SDHAF2: variants seen among roughly 807,000 people sequenced by gnomAD.
SDHAF2 encodes the protein succinate dehydrogenase complex assembly factor 2.
In SDHAF2, 21 loss-of-function variants were observed where a neutral mutation model predicts 18.5. That is an observed-to-expected ratio of 1.13 (90% CI 0.80 to 1.63). The LOEUF (loss-of-function observed/expected upper bound fraction) is 1.63, where lower values mean the gene tolerates loss of function less well. SDHAF2 is among the 40% of genes most tolerant of loss of function. The pLI is 0.00. For synonymous variants in SDHAF2, 84 were observed against 70.7 expected (o/e 1.19, Z -0.94); for missense variants, 195 against 200.3 (o/e 0.97, Z 0.16).
chr11:61,439,231 C>CA (rs980658552), intron 3 of SDHAF2, among the ~76,000 whole-genome samples: 1 of 152,134 alleles, frequency 6.6e-6, no homozygotes, highest in African/African-American at 2.4e-5. Flanking sequence ...AGAGGGGCTT[C>CA]AAAAAGTCAT....
chr11:61,437,803 A>T lies in SDHAF2; in HGVS notation c.215A>T (p.Tyr72Phe). 1.2e-6 allele frequency: 2 copies of T among 1,614,078 alleles called. No individual in the cohort carries two copies. The highest frequency in any genetic ancestry group is 1.7e-6 in the Non-Finnish European group (2 of 1,179,990). The part of the protein sequence containing the change: ...SIETKRARLL[Y>F]ESRKRGMLEN... ...GAAACCAAAAGAGCCCGCCTGCTCT[A>T]TGAGAGCAGAAAGAGGGGAATGTTG... Residue 72 changes from tyrosine (Y) to phenylalanine (F), a missense_variant, in exon 2 of 4, where the codon TAT becomes TTT. Tyr to Phe is a conservative substitution (Grantham distance 22). Coordinates refer to ENST00000301761, the MANE Select transcript of SDHAF2 (RefSeq NM_017841.4).
chr11:61,446,520 A>G lies in SDHAF2; in HGVS notation c.*449A>G, dbSNP rs1862140682. 1 of 488,608 alleles carries G rather than the reference A, an allele frequency of 2.0e-6. No individual in the cohort carries two copies. Among genetic ancestry groups the G allele is most frequent in the Non-Finnish European group, 3.6e-6 (1 of 278,962 alleles). 30.3% of individuals were successfully genotyped at this position (488,608 alleles called of 1,614,324 possible). ...GGGCTTTGTTGAAGTGGAACTCCCCACTTCCAACCTGGTATGGCTCCTTCT... is the reference window on the plus strand; with the variant it reads ...GGGCTTTGTTGAAGTGGAACTCCCCGCTTCCAACCTGGTATGGCTCCTTCT... On this transcript the variant is annotated 3_prime_UTR_variant, in exon 4 of 4. Coordinates refer to ENST00000301761, the MANE Select transcript of SDHAF2 (RefSeq NM_017841.4).
chr11:61,433,611 GA>G (rs1188028723), intron 1 of SDHAF2: 1 of 152,304 alleles, frequency 6.6e-6, no homozygotes, highest in Non-Finnish European at 1.5e-5. Context: ...GTCTGCATCA[GA>G]ATCTCTTAGA....
At chr11:61,430,283 A>C in intron 1 of SDHAF2, 101 bp downstream of exon 1, 1 of 1,494,362 alleles carries the variant, frequency 6.7e-7, no homozygotes, top group East Asian at 2.3e-5. Flanking sequence ...CGTCTGCCCG[A>C]TAGCGCAGGG....
chr11:61,438,100 C>T lies in SDHAF2; in HGVS notation c.357C>T (p.Tyr119=). Residue 119 remains tyrosine, a synonymous_variant, in exon 3 of 4, where the codon TAC becomes TAT. Transcript: ENST00000301761. ...INEPSNDWDI[Y]YWATEAKPAP... ...AGCCTAGTAATGACTGGGATATTTACTACTGGGCCACAGGTACTGGGTATG... is the reference window on the plus strand; with the variant it reads ...AGCCTAGTAATGACTGGGATATTTATTACTGGGCCACAGGTACTGGGTATG... 1 of 1,612,306 alleles carries T rather than the reference C, an allele frequency of 6.2e-7. No individual in the cohort carries two copies. Among genetic ancestry groups the T allele is most frequent in the Non-Finnish European group, 8.5e-7 (1 of 1,178,378 alleles).
intron 3 of SDHAF2, among the ~76,000 whole-genome samples, chr11:61,445,678 A>G (rs1195324994): frequency 6.6e-6 from 1 of 152,324 alleles, no homozygotes; most frequent in Non-Finnish European, 1.5e-5. Context: ...CAAGTACCCA[A>G]TTCTGCTGTC....
chr11:61,431,304 T>G (rs1861901896), intron 1 of SDHAF2: 1 of 152,368 alleles, frequency 6.6e-6, no homozygotes, highest in African/African-American at 2.4e-5. Flanking sequence ...ATTACAGGCG[T>G]GAGCCACCGC....
intron 1 of SDHAF2, chr11:61,430,577 G>T: frequency 3.3e-6 from 1 of 299,540 alleles, no homozygotes. Context: ...CGTGTTTATG[G>T]GGGTACAGTA....
chr11:61,445,695 C>G (rs1271064294), intron 3 of SDHAF2, among the ~76,000 whole-genome samples: 1 of 152,126 alleles, frequency 6.6e-6, no homozygotes, highest in Admixed American at 6.6e-5. Flanking sequence ...TGTCATAACA[C>G]AAAAGGAGCA....
At chr11:61,430,374 G>T (rs749399608) in intron 1 of SDHAF2, 192 bp downstream of exon 1, 4 of 677,506 alleles carry the variant, frequency 5.9e-6, no homozygotes, top group Non-Finnish European at 1.0e-5. Context: ...CCTACTGTGT[G>T]CCGGTCTGGA....
chr11:61,441,712 AGGG>A (rs1806691647), intron 3 of SDHAF2, among the ~76,000 whole-genome samples: 1 of 152,068 alleles, frequency 6.6e-6, no homozygotes, highest in African/African-American at 2.4e-5. Context: ...TTGTATTATC[AGGG>A]TTTTGTTTTT....
chr11:61,430,466 C>T lies in SDHAF2; in HGVS notation c.36+284C>T, dbSNP rs114948327. The T allele has an allele frequency of 1.6e-3, 859 of 537,266 alleles. 11 individuals are homozygous for T. Among genetic ancestry groups the T allele is most frequent in the African/African-American group, 0.015 (778 of 52,154 alleles). The allele number at this position is 537,266 out of a possible 1,614,324, so 33.3% of individuals were successfully genotyped here. Reference sequence around the variant, plus strand: ...TCCCAGGCGGGATTAGCCCAACTTCCCTGGGCTCCCCTTCTCCCCGTTCTT... The same window carrying T: ...TCCCAGGCGGGATTAGCCCAACTTCTCTGGGCTCCCCTTCTCCCCGTTCTT... On this transcript the variant is annotated intron_variant, in intron 1 of 3. Transcript: ENST00000301761.
At chr11:61,444,631 T>C (rs985256579) in intron 3 of SDHAF2, among the ~76,000 whole-genome samples, 8 of 151,876 alleles carry the variant, frequency 5.3e-5, no homozygotes, top group Non-Finnish European at 1.2e-4. Context: ...TGGTGCCAGC[T>C]ACTCGGGAGG....
intron 3 of SDHAF2, among the ~76,000 whole-genome samples, chr11:61,439,223 A>G (rs1324692098): frequency 6.6e-6 from 1 of 152,148 alleles, no homozygotes; most frequent in Non-Finnish European, 1.5e-5. Flanking sequence ...GAGCTCATAG[A>G]GGGGCTTCAA....
Position 61,437,580 on chromosome 11 carries a change from A to C in SDHAF2, c.37-45A>C, listed in dbSNP as rs367982539. ...AAGCATTGAGTAAATGATAGCGATG[A>C]TAGTCGTCATTATTGTAAAGATGTT... On this transcript the variant is annotated intron_variant, in intron 1 of 3. Coordinates refer to ENST00000301761, the MANE Select transcript of SDHAF2 (RefSeq NM_017841.4). 63 of 1,473,992 alleles carry C rather than the reference A, an allele frequency of 4.3e-5. No homozygotes were observed. In the African/African-American group the frequency reaches 8.3e-4, roughly 19 times the overall value. 91.3% of individuals were successfully genotyped at this position (1,473,992 alleles called of 1,614,324 possible).
chr11:61,446,148 G>T lies in SDHAF2; in HGVS notation c.*77G>T. 1.3e-6 allele frequency: 2 copies of T among 1,570,820 alleles called. No homozygotes were observed. The highest frequency in any genetic ancestry group is 8.7e-7 in the Non-Finnish European group (1 of 1,144,782). The stretch of plus-strand genomic sequence containing the variant: ...TATGATGGACGTTAGCCTTGCTTCC[G>T]GCTTCTTAGATGCCCAGCTGCCCTA... On this transcript the variant is annotated 3_prime_UTR_variant, in exon 4 of 4. Transcript: ENST00000301761.
chr11:61,435,024 C>G, intron 1 of SDHAF2: 1 of 151,946 alleles, frequency 6.6e-6, no homozygotes, highest in Non-Finnish European at 1.5e-5. Flanking sequence ...AGCCACCACG[C>G]CGGGCCTAAT....
intron 3 of SDHAF2, among the ~76,000 whole-genome samples, chr11:61,438,909 TGGC>T (rs1317677641): frequency 6.6e-6 from 1 of 152,106 alleles, no homozygotes; most frequent in African/African-American, 2.4e-5. Flanking sequence ...CCGAACATGG[TGGC>T]GGACAACTGC....
chr11:61,439,360 G>A (rs1862036744), intron 3 of SDHAF2, among the ~76,000 whole-genome samples: 1 of 152,170 alleles, frequency 6.6e-6, no homozygotes, highest in African/African-American at 2.4e-5. Context: ...CCCCTCCTTT[G>A]TAGATCCCGC....
Sources: allele counts gnomAD v4.1 joint callset (sites outside exome capture counted in the v4.1 genomes callset), GRCh38; gene constraint gnomAD v4.1.1; transcripts MANE v1.5; gene names NCBI Gene and HGNC (gene_info 2026-07-23, HGNC 2026-07-21).